The following NPSR1 variants were observed in gnomAD, a reference collection of about 807,000 sequenced individuals.
NPSR1 encodes the protein neuropeptide S receptor.
Under a neutral mutation model 46.9 loss-of-function variants are expected in NPSR1, and 48 were observed. The ratio of observed to expected loss-of-function variants is 1.02; its 90% CI spans 0.81 to 1.30. The LOEUF (loss-of-function observed/expected upper bound fraction) is 1.30. Ranked by LOEUF, NPSR1 falls within the 50% of genes most tolerant of loss-of-function variation. The pLI is 0.00. For synonymous variants in NPSR1, 176 were observed against 168.1 expected (o/e 1.05, Z -0.36); for missense variants, 450 against 449.5 (o/e 1.00, Z -0.01).
intron 1 of NPSR1, among the ~76,000 whole-genome samples, chr7:34,658,922 G>GT (rs1247859620): frequency 5.3e-5 from 8 of 152,132 alleles, no homozygotes; most frequent in African/African-American, 1.9e-4. Flanking sequence ...AGAGCTATGA[G>GT]TTTTTTGCTA....
intron 8 of NPSR1, among the ~76,000 whole-genome samples, chr7:34,867,485 C>T (rs1484013814): frequency 6.6e-6 from 1 of 151,858 alleles, no homozygotes; most frequent in Non-Finnish European, 1.5e-5. Flanking sequence ...CAGGCCAGCT[C>T]CTCAGCCCAA....
exon 9 of NPSR1, chr7:34,878,278 TC>T: frequency 1.5e-6 from 1 of 683,778 alleles, no homozygotes; most frequent in Non-Finnish European, 2.6e-6. Flanking sequence ...CCAAAATGGG[TC>T]ACAGCAGGAT....
At chr7:34,746,146 G>A in intron 2 of NPSR1, among the ~76,000 whole-genome samples, 1 of 152,064 alleles carries the variant, frequency 6.6e-6, no homozygotes, top group African/African-American at 2.4e-5. Flanking sequence ...TACCAACCTT[G>A]GAAAAATTGA....
chr7:34,735,437 T>G (rs1037546102), intron 2 of NPSR1, among the ~76,000 whole-genome samples: 5 of 112,562 alleles, frequency 4.4e-5, no homozygotes, highest in African/African-American at 1.3e-4. Context: ...CCTCTTCCCC[T>G]CCTCTGTTTT....
chr7:34,815,128 T>C (rs959242997), intron 4 of NPSR1, among the ~76,000 whole-genome samples: 9 of 152,144 alleles, frequency 5.9e-5, no homozygotes, highest in Middle Eastern at 3.2e-3. Context: ...TCCTCCGAGC[T>C]AAAGGAGCAT....
chr7:34,687,696 TAG>T (rs1793007841), intron 2 of NPSR1, among the ~76,000 whole-genome samples: 2 of 152,184 alleles, frequency 1.3e-5, no homozygotes, highest in Admixed American at 1.3e-4. Context: ...GGTGGGGACA[TAG>T]AGTCAAACCA....
intron 1 of NPSR1, among the ~76,000 whole-genome samples, chr7:34,663,650 C>T (rs560222157): frequency 1.4e-4 from 21 of 152,282 alleles, no homozygotes; most frequent in South Asian, 1.0e-3. Flanking sequence ...TCAGTTGCCT[C>T]GCATCTCCCC....
At chr7:34,747,033 G>A (rs1391621543) in intron 2 of NPSR1, among the ~76,000 whole-genome samples, 2 of 151,796 alleles carry the variant, frequency 1.3e-5, no homozygotes, top group Non-Finnish European at 2.9e-5. Context: ...ACTGAGGCAG[G>A]GGAGTCACTT....
At chr7:34,724,045 G>A (rs1374166284) in intron 2 of NPSR1, among the ~76,000 whole-genome samples, 2 of 152,112 alleles carry the variant, frequency 1.3e-5, no homozygotes, top group Non-Finnish European at 2.9e-5. Context: ...AAATAAATAT[G>A]TTGTTATCAA....
Position 34,688,720 on chromosome 7 carries a change from C to T in NPSR1, c.280+4036C>T, listed in dbSNP as rs1039344479. Among the ~76,000 whole-genome samples the T allele has an allele frequency of 2.6e-5, 4 of 152,330 alleles. No individual in the cohort carries two copies. In the East Asian group the frequency reaches 7.7e-4, roughly 29 times the overall value. On this transcript the variant is annotated intron_variant, in intron 2 of 8. Coordinates refer to ENST00000360581, the MANE Select transcript of NPSR1 (RefSeq NM_207172.2). ...TCGAGGTGCACCTGCTCCTCCAGATCAGGAGCTTGAGCTACTCCTACATTC... is the reference window on the plus strand; with the variant it reads ...TCGAGGTGCACCTGCTCCTCCAGATTAGGAGCTTGAGCTACTCCTACATTC...
chr7:34,739,876 T>C (rs1784856816), intron 2 of NPSR1, among the ~76,000 whole-genome samples: 1 of 152,198 alleles, frequency 6.6e-6, no homozygotes, highest in African/African-American at 2.4e-5. Context: ...TTTTTGTGCT[T>C]GTTGGCCTCT....
At chr7:34,805,442 G>C (rs963416155) in intron 3 of NPSR1, among the ~76,000 whole-genome samples, 5 of 138,256 alleles carry the variant, frequency 3.6e-5, no homozygotes, top group Non-Finnish European at 7.6e-5. Context: ...TTCAAGAATG[G>C]CTGTCTTAGT....
chr7:34,852,677 T>C (rs531230946), downstream of NPSR1, among the ~76,000 whole-genome samples: 4 of 152,262 alleles, frequency 2.6e-5, no homozygotes, highest in Non-Finnish European at 5.9e-5. Flanking sequence ...TTTGAGCTCT[T>C]GGAGAAAATT....
intron 3 of NPSR1, among the ~76,000 whole-genome samples, chr7:34,792,747 G>A (rs1787995359): frequency 1.0e-5 from 1 of 97,518 alleles, no homozygotes; most frequent in South Asian, 3.2e-4. Flanking sequence ...GCCAGGCATG[G>A]TGGGTGTGTG....
chr7:34,846,335 G>C (rs1254964311), intron 7 of NPSR1, among the ~76,000 whole-genome samples: 1 of 152,014 alleles, frequency 6.6e-6, no homozygotes, highest in Non-Finnish European at 1.5e-5. Context: ...AGCAAATATT[G>C]ACAGCCCTAC....
intron 2 of NPSR1, among the ~76,000 whole-genome samples, chr7:34,754,697 A>G (rs1005390763): frequency 1.3e-5 from 2 of 152,230 alleles, no homozygotes; most frequent in Non-Finnish European, 2.9e-5. Flanking sequence ...CTTTTAATAT[A>G]TTCACAGATA....
intron 3 of NPSR1, among the ~76,000 whole-genome samples, chr7:34,808,020 G>C (rs1584067719): frequency 1.3e-5 from 2 of 152,036 alleles, no homozygotes; most frequent in African/African-American, 4.8e-5. Flanking sequence ...GATTATTCTG[G>C]TTTATCCCAG....
intron 3 of NPSR1, among the ~76,000 whole-genome samples, chr7:34,808,792 G>A (rs182374210): frequency 3.3e-5 from 5 of 152,028 alleles, no homozygotes; most frequent in African/African-American, 1.2e-4. Context: ...TGAACATGTT[G>A]TTATAGTGTT....
At chr7:34,857,888 G>A (rs1791085848) in intron 8 of NPSR1, among the ~76,000 whole-genome samples, 1 of 151,448 alleles carries the variant, frequency 6.6e-6, no homozygotes. Flanking sequence ...ATAGAAAAAT[G>A]GGCAAGAATT....
Sources: allele counts gnomAD v4.1 joint callset (sites outside exome capture counted in the v4.1 genomes callset), GRCh38; gene constraint gnomAD v4.1.1; transcripts MANE v1.5; gene names NCBI Gene and HGNC (gene_info 2026-07-23, HGNC 2026-07-21).